The following LINGO1 variants were observed in gnomAD, a reference collection of about 807,000 sequenced individuals.
LINGO1 encodes leucine-rich repeat and immunoglobulin-like domain-containing nogo receptor-interacting protein 1.
A neutral mutation model predicts 37.3 loss-of-function variants in LINGO1; 11 were observed. The observed-to-expected ratio is 0.29, with a 90% CI of 0.19 to 0.49. The LOEUF is 0.49. Ranked by LOEUF, LINGO1 falls within the 20% of genes least tolerant of loss-of-function variation. LINGO1 has a pLI of 0.99. For missense variants in LINGO1, 585 were observed against 878.2 expected (o/e 0.67, Z 4.22); for synonymous variants, 387 against 403.0 (o/e 0.96, Z 0.48).
At chr15:77,779,665 G>T (rs1327830496) in intron 1 of LINGO1, among the ~76,000 whole-genome samples, 2 of 152,158 alleles carry the variant, frequency 1.3e-5, no homozygotes, top group African/African-American at 4.8e-5. Context: ...AGGCTGTAAT[G>T]CAAGCTATGG....
rs145316051 is a variant in LINGO1 at position 77,691,483 on chromosome 15, A to AGGGAAGGGATGTCCCTG, written c.-280-599_-280-583dup. ...TCTTGATACCCATGCTGCCATCCCT[A>AGGGAAGGGATGTCCCTG]GGGAAGGGATGTCCCTGGGGAAGGG... On this transcript the variant is annotated intron_variant, in intron 1 of 3. Transcript: ENST00000559893. Among the ~76,000 whole-genome samples, 17 of 151,682 alleles carry AGGGAAGGGATGTCCCTG rather than the reference A, an allele frequency of 1.1e-4. 1 individual carries two copies. In the South Asian group the frequency reaches 1.3e-3, roughly 11 times the overall value.
chr15:77,754,051 A>G (rs1445904897), intron 1 of LINGO1, among the ~76,000 whole-genome samples: 4 of 152,030 alleles, frequency 2.6e-5, no homozygotes, highest in African/African-American at 9.7e-5. Context: ...AAAGCAGGAA[A>G]CAGGCCCAGA....
rs533081089 is a variant in LINGO1, at chr15:77,613,910, C to T, written c.*134G>A. ...AGGGCTGGCGGGGGGCAGCAGGGGA[C>T]GGAGGCGGGAGGGAGAAAGAGAACG... On this transcript the variant is annotated 3_prime_UTR_variant, in exon 2 of 2. Transcript: ENST00000355300. 7 of 769,342 alleles carry T rather than the reference C, an allele frequency of 9.1e-6. No homozygotes were observed. The highest frequency in any genetic ancestry group is 1.8e-5 in the African/African-American group (1 of 56,164). The allele number at this position is 769,342 out of a possible 1,614,324, so 47.7% of individuals were successfully genotyped here.
intron 1 of LINGO1, among the ~76,000 whole-genome samples, chr15:77,763,667 T>C (rs1042093340): frequency 3.9e-5 from 6 of 152,074 alleles, no homozygotes; most frequent in African/African-American, 9.7e-5. Context: ...ACCTGCATTA[T>C]CTAACTCAGC....
At chr15:77,798,497 G>T (rs12441624) in intron 1 of LINGO1, among the ~76,000 whole-genome samples, 1 of 152,134 alleles carries the variant, frequency 6.6e-6, no homozygotes, top group African/African-American at 2.4e-5. Context: ...ACCTTCCAAA[G>T]CTTCCTAAAG....
chr15:77,696,431 C>A (rs948061978), exon 1 of LINGO1: 6 of 152,380 alleles, frequency 3.9e-5, no homozygotes, highest in Admixed American at 2.0e-4. Context: ...AGCCAGGTGA[C>A]CCCGGGCAAG....
intron 1 of LINGO1, among the ~76,000 whole-genome samples, chr15:77,784,028 C>T (rs908716467): frequency 7.9e-5 from 12 of 152,242 alleles, no homozygotes; most frequent in Admixed American, 5.2e-4. Flanking sequence ...GCCCACCCCA[C>T]TCATCCCCGA....
chr15:77,777,770 C>A (rs1457185345), intron 1 of LINGO1, among the ~76,000 whole-genome samples: 1 of 152,096 alleles, frequency 6.6e-6, no homozygotes, highest in Non-Finnish European at 1.5e-5. Context: ...AAAAGTAAAA[C>A]AAACTAGCCA....
chr15:77,620,201 GC>G (rs2073875122), intron 1 of LINGO1, among the ~76,000 whole-genome samples: 1 of 152,158 alleles, frequency 6.6e-6, no homozygotes, highest in Non-Finnish European at 1.5e-5. Flanking sequence ...TTGGATCCTT[GC>G]CCCCTGAAGG....
In LINGO1 at chr15:77,613,114, G is replaced by C. The variant is rs1025967713; in HGVS notation, c.*930C>G. 6.6e-6 allele frequency: 1 copy of C among 152,328 alleles called. No homozygotes were observed. Among genetic ancestry groups the C allele is most frequent in the Non-Finnish European group, 1.5e-5 (1 of 68,126 alleles). 9.4% of individuals were successfully genotyped at this position (152,328 alleles called of 1,614,324 possible). A position where few individuals can be genotyped will look rare whatever the true frequency, so the allele number is the denominator to read the frequency against. ...CACAACAGCCCTGTGAGGTAGGCAG[G>C]GCAGGGGGTAATGTTCCCATTTGTA... On this transcript the variant is annotated 3_prime_UTR_variant, in exon 2 of 2. Coordinates refer to ENST00000355300, the MANE Select transcript of LINGO1 (RefSeq NM_032808.7).
Position 77,648,222 on chromosome 15 carries a change from A to G in LINGO1, c.-13+28867T>C. ...ACATACAAGTTACCATTGAAGGAGC[A>G]CCGGCTGCGTTCCAGGCACTGTGCT... On this transcript the variant is annotated intron_variant, in intron 3 of 3. Coordinates refer to the LINGO1 transcript ENST00000559893. 1.0e-5 allele frequency: 3 copies of G among 295,916 alleles called. 1 individual carries two copies. The highest frequency in any genetic ancestry group is 6.3e-5 in the South Asian group (2 of 31,592). The allele number at this position is 295,916 out of a possible 1,614,324, so 18.3% of individuals were successfully genotyped here.
At chr15:77,695,473 T>G (rs1203949213) in intron 1 of LINGO1, among the ~76,000 whole-genome samples, 1 of 152,198 alleles carries the variant, frequency 6.6e-6, no homozygotes. Context: ...TGGTGCCATC[T>G]GCCCCTCAGA....
chr15:77,771,393 G>C (rs867203920), intron 1 of LINGO1, among the ~76,000 whole-genome samples: 1 of 151,848 alleles, frequency 6.6e-6, no homozygotes, highest in South Asian at 2.1e-4. Context: ...CTCTGACTCC[G>C]GCACATTGAT....
rs977077492 is a variant in LINGO1, at chr15:77,679,569, ATACTCCCATTT to A, written c.-98-2406_-98-2396del. Among the ~76,000 whole-genome samples, 39 of 152,206 alleles carry A rather than the reference ATACTCCCATTT, an allele frequency of 2.6e-4. 2 individuals carry two copies. The stretch of plus-strand genomic sequence containing the variant: ...GCCCCAAAAGACAGAGATGCTATCA[ATACTCCCATTT>A]TACAGAAGAGAAAACTGACATAGAG... On this transcript the variant is annotated intron_variant, in intron 2 of 3. Transcript: ENST00000559893.
intron 1 of LINGO1, among the ~76,000 whole-genome samples, chr15:77,758,031 C>G (rs1004380874): frequency 1.4e-4 from 22 of 152,228 alleles, no homozygotes. Context: ...TCCTGACACC[C>G]AGCTTTCAGC....
At chr15:77,798,088 G>C (rs2076887962) in intron 1 of LINGO1, among the ~76,000 whole-genome samples, 1 of 152,148 alleles carries the variant, frequency 6.6e-6, no homozygotes, top group Non-Finnish European at 1.5e-5. Context: ...CGGTTCACCA[G>C]CCCCAAACTA....
chr15:77,661,278 G>C (rs915953517), intron 3 of LINGO1, among the ~76,000 whole-genome samples: 1 of 152,178 alleles, frequency 6.6e-6, no homozygotes, highest in Non-Finnish European at 1.5e-5. Flanking sequence ...ATTAAAGCAG[G>C]AGGGACTGTG....
upstream of LINGO1, among the ~76,000 whole-genome samples, chr15:77,789,758 C>G (rs2076803860): frequency 6.6e-6 from 1 of 151,960 alleles, no homozygotes; most frequent in Non-Finnish European, 1.5e-5. Context: ...GCAACCAGCC[C>G]TGCTGACACC....
At chr15:77,810,970 C>T (rs1372862421) in intron 1 of LINGO1, among the ~76,000 whole-genome samples, 1 of 152,128 alleles carries the variant, frequency 6.6e-6, no homozygotes, top group African/African-American at 2.4e-5. Flanking sequence ...ACATATCCCC[C>T]AGAAGCTCAC....
Sources: gnomAD v4.1 joint callset for allele counts (sites outside exome capture counted in the v4.1 genomes callset) on GRCh38, gnomAD v4.1.1 for gene constraint, MANE v1.5 for transcripts, NCBI Gene and HGNC (gene_info 2026-07-23, HGNC 2026-07-21) for gene names.